The following TBC1D9 variants were observed in gnomAD, a reference collection of about 807,000 sequenced individuals.
The protein encoded by TBC1D9 is TBC1 domain family member 9A.
TBC1D9 carries 63 observed loss-of-function variants against 132.0 expected under a neutral mutation model. That is an observed-to-expected ratio of 0.48 (90% confidence interval 0.39 to 0.59). TBC1D9 has a LOEUF of 0.59. TBC1D9 is among the 20% of genes least tolerant of loss of function. TBC1D9 has a pLI of 0.00. For missense variants in TBC1D9, 1,261 were observed against 1,592.7 expected (o/e 0.79, Z 3.54); for synonymous variants, 610 against 609.9 (o/e 1.00, Z 0.00).
intron 1 of TBC1D9, among the ~76,000 whole-genome samples, chr4:140,708,141 A>C (rs1048170534): frequency 7.9e-5 from 12 of 152,172 alleles, no homozygotes; most frequent in Non-Finnish European, 1.8e-4. Flanking sequence ...ACATTGGGAG[A>C]AACCAGAATT....
chr4:140,716,757 G>A (rs748670212), intron 1 of TBC1D9, among the ~76,000 whole-genome samples: 1 of 151,712 alleles, frequency 6.6e-6, no homozygotes, highest in Non-Finnish European at 1.5e-5. Flanking sequence ...TAGTGAATGG[G>A]GAAATTTAAA....
intron 1 of TBC1D9, among the ~76,000 whole-genome samples, chr4:140,746,232 C>A (rs1001754035): frequency 7.2e-5 from 11 of 152,196 alleles, no homozygotes; most frequent in African/African-American, 2.7e-4. Flanking sequence ...GATACACAAA[C>A]ACATTTCTGA....
chr4:140,657,774 G>A lies in TBC1D9; in HGVS notation c.1960C>T (p.Arg654Ter). Reference sequence around the variant, plus strand: ...TCGTACAGCTGTGGGACGTAGTCTCGTGCTAGCTCCTCAAAGACACCTTGG... The same window carrying A: ...TCGTACAGCTGTGGGACGTAGTCTCATGCTAGCTCCTCAAAGACACCTTGG... ...VDQGVFEELA[R>*]DYVPQLYDCM... is the part of the protein sequence containing the mutation. Residue 654 changes from arginine (R) to a stop codon, truncating the protein, a stop_gained, in exon 12 of 21, where the codon CGA becomes TGA. Transcript: ENST00000442267. LOFTEE classifies it high-confidence loss of function. 1.2e-6 allele frequency: 2 copies of A among 1,613,800 alleles called. No homozygotes were observed. The highest frequency in any genetic ancestry group is 8.5e-7 in the Non-Finnish European group (1 of 1,179,834).
At chr4:140,716,382 T>C (rs1738334568) in intron 1 of TBC1D9, among the ~76,000 whole-genome samples, 1 of 151,790 alleles carries the variant, frequency 6.6e-6, no homozygotes, top group Non-Finnish European at 1.5e-5. Flanking sequence ...TCCCAGCTAC[T>C]TGGGAGGCTG....
intron 1 of TBC1D9, among the ~76,000 whole-genome samples, chr4:140,726,656 A>T (rs569946039): frequency 6.6e-6 from 1 of 152,336 alleles, no homozygotes; most frequent in Non-Finnish European, 1.5e-5. Flanking sequence ...TTATAAAACC[A>T]ATGAAAGTCT....
intron 2 of TBC1D9, among the ~76,000 whole-genome samples, chr4:140,690,759 G>A (rs1014629020): frequency 1.2e-4 from 18 of 152,086 alleles, no homozygotes; most frequent in East Asian, 9.7e-4. Context: ...CAGTATAGCA[G>A]GAACTCTAAA....
At chr4:140,631,225 A>G (rs1316131918) in intron 16 of TBC1D9, among the ~76,000 whole-genome samples, 2 of 152,038 alleles carry the variant, frequency 1.3e-5, no homozygotes, top group Admixed American at 1.3e-4. Context: ...GAAACCCCTC[A>G]TTTCTTTGTT....
Position 140,622,712 on chromosome 4 carries a change from A to G in TBC1D9, c.3284T>C (p.Leu1095Pro). 1 of 1,610,812 alleles carries G rather than the reference A, an allele frequency of 6.2e-7. No homozygotes were observed. The highest frequency in any genetic ancestry group is 1.7e-4 in the Middle Eastern group (1 of 6,060). The change falls in exon 21 of 21, where the codon CTC becomes CCC. Residue 1095 changes from leucine (L) to proline (P), a missense_variant. By Grantham distance (98) the Leu-to-Pro change is moderately conservative. Coordinates refer to ENST00000442267, the MANE Select transcript of TBC1D9 (RefSeq NM_015130.3). ...CTGGCCTGGCCCTTTCTTGGGGAAGAGCACGCCTGGGATGCCCTGGTGGCA... is the reference window on the plus strand; with the variant it reads ...CTGGCCTGGCCCTTTCTTGGGGAAGGGCACGCCTGGGATGCCCTGGTGGCA... ...PSCHQGIPGV[L>P]FPKKGPGQPY...
intron 1 of TBC1D9, among the ~76,000 whole-genome samples, chr4:140,704,801 G>T (rs1010462451): frequency 9.2e-5 from 14 of 152,174 alleles, no homozygotes; most frequent in African/African-American, 3.4e-4. Context: ...GTCAATTAGA[G>T]ATAAAGAAAA....
chr4:140,648,882 G>A (rs1000073777), intron 13 of TBC1D9, among the ~76,000 whole-genome samples: 12 of 151,098 alleles, frequency 7.9e-5, no homozygotes, highest in African/African-American at 2.7e-4. Context: ...AGGTAGAGAT[G>A]AGTCTGTCTC....
Position 140,643,132 on chromosome 4 carries a change from G to C in TBC1D9, c.2338-3704C>G, listed in dbSNP as rs758707901. On this transcript the variant is annotated intron_variant, in intron 13 of 20. Transcript: ENST00000442267. The stretch of plus-strand genomic sequence containing the variant: ...GGTTCTTGAGCGGGTCCCACCACGG[G>C]CCCATCCAGCACCTCCCTCAGCATG... 5.6e-6 allele frequency: 8 copies of C among 1,423,578 alleles called. No individual in the cohort carries two copies. In the East Asian group the frequency reaches 2.0e-4, roughly 35 times the overall value. The allele number at this position is 1,423,578 out of a possible 1,614,324, so 88.2% of individuals were successfully genotyped here. A position where few individuals can be genotyped will look rare whatever the true frequency, so the allele number is the denominator to read the frequency against.
intron 6 of TBC1D9, among the ~76,000 whole-genome samples, chr4:140,672,963 C>T (rs1418828134): frequency 6.6e-6 from 1 of 152,094 alleles, no homozygotes; most frequent in Non-Finnish European, 1.5e-5. Flanking sequence ...AGTTCAAGAC[C>T]AGCCTGGCCA....
At chr4:140,642,400 C>T in intron 13 of TBC1D9, 1 of 855,198 alleles carries the variant, frequency 1.2e-6, no homozygotes, top group South Asian at 1.4e-5. Context: ...AGGCCGGAGG[C>T]CCTTGGCCAG....
intron 1 of TBC1D9, among the ~76,000 whole-genome samples, chr4:140,705,105 T>C (rs921601485): frequency 6.6e-6 from 1 of 152,216 alleles, no homozygotes; most frequent in South Asian, 2.1e-4. Flanking sequence ...TATTGTGAAT[T>C]GAGGTATGCA....
chr4:140,642,584 T>C, intron 13 of TBC1D9: 3 of 926,802 alleles, frequency 3.2e-6, no homozygotes, highest in Non-Finnish European at 5.1e-6. Flanking sequence ...CTGCTCCTGG[T>C]CGCTGTCCAT....
chr4:140,734,173 T>C (rs1738640319), intron 1 of TBC1D9, among the ~76,000 whole-genome samples: 1 of 152,172 alleles, frequency 6.6e-6, no homozygotes, highest in Non-Finnish European at 1.5e-5. Context: ...TCTCACTCTA[T>C]CTCCTGGGCT....
At chr4:140,650,691 C>T (rs1214836070) in intron 13 of TBC1D9, among the ~76,000 whole-genome samples, 1 of 152,260 alleles carries the variant, frequency 6.6e-6, no homozygotes, top group East Asian at 1.9e-4. Flanking sequence ...CATCACCATG[C>T]CTGGCTGATT....
intron 13 of TBC1D9, chr4:140,643,382 G>T: frequency 7.9e-7 from 1 of 1,259,514 alleles, no homozygotes; most frequent in Non-Finnish European, 1.1e-6. Context: ...GCCTGGCCTG[G>T]GGCAGCTCCA....
chr4:140,681,038 G>A (rs1164663784), intron 3 of TBC1D9, among the ~76,000 whole-genome samples: 2 of 152,192 alleles, frequency 1.3e-5, no homozygotes, highest in African/African-American at 4.8e-5. Flanking sequence ...CACAGGCAGT[G>A]TGCCCAGAGT....
Sources: allele counts gnomAD v4.1 joint callset (sites outside exome capture counted in the v4.1 genomes callset), GRCh38; gene constraint gnomAD v4.1.1; transcripts MANE v1.5; gene names NCBI Gene and HGNC (gene_info 2026-07-23, HGNC 2026-07-21).